TENT2: variants seen among roughly 807,000 people sequenced by gnomAD.
TENT2 encodes the protein terminal nucleotidyltransferase 2.
TENT2 carries 44 observed loss-of-function variants against 72.2 expected under a neutral mutation model. That is an observed-to-expected ratio of 0.61 (90% CI 0.48 to 0.78). The LOEUF (loss-of-function observed/expected upper bound fraction) is 0.78. Among genes scored for constraint, TENT2 ranks in the 30% least tolerant of loss-of-function variants. TENT2 has a pLI of 0.00. For missense variants in TENT2, 541 were observed against 569.6 expected, an observed-to-expected ratio of 0.95 and a Z score of 0.51; for synonymous variants, 212 against 192.5, an observed-to-expected ratio of 1.10 and a Z score of -0.84.
At chr5:79,654,546 C>T (rs973988293) in intron 10 of TENT2, among the ~76,000 whole-genome samples, 3 of 151,972 alleles carry the variant, frequency 2.0e-5, no homozygotes, top group African/African-American at 7.3e-5. Context: ...TTCTGGTAGA[C>T]ATTTTAAAAT....
chr5:79,680,704 CTT>C (rs1169409673), intron 13 of TENT2, among the ~76,000 whole-genome samples: 4 of 152,170 alleles, frequency 2.6e-5, no homozygotes. Flanking sequence ...TGCCTCCAGT[CTT>C]TCGCTTTCAG....
At chr5:79,630,872 T>G (rs1227762363) in intron 4 of TENT2, among the ~76,000 whole-genome samples, 3 of 151,372 alleles carry the variant, frequency 2.0e-5, no homozygotes, top group African/African-American at 7.3e-5. Context: ...TTATTTTCAC[T>G]GCACTATGGA....
intron 10 of TENT2, among the ~76,000 whole-genome samples, chr5:79,653,644 A>G (rs1297337146): frequency 1.3e-5 from 2 of 152,154 alleles, no homozygotes; most frequent in Non-Finnish European, 2.9e-5. Flanking sequence ...AGCCATTCCT[A>G]GGTCTTTCTT....
At chr5:79,666,847 CA>C (rs1349902153) in intron 11 of TENT2, among the ~76,000 whole-genome samples, 2 of 152,226 alleles carry the variant, frequency 1.3e-5, no homozygotes, top group East Asian at 3.9e-4. Flanking sequence ...GCTGGGATTA[CA>C]AGCTTGAGCC....
chr5:79,647,735 C>T (rs1389787758), intron 8 of TENT2, among the ~76,000 whole-genome samples: 2 of 152,144 alleles, frequency 1.3e-5, no homozygotes, highest in Non-Finnish European at 2.9e-5. Context: ...GTTGGGATCT[C>T]GCATAGGTAT....
rs79014958 is a variant in TENT2, at chr5:79,645,055, A to G, written c.752-68A>G. On this transcript the variant is annotated intron_variant, in intron 7 of 14. Transcript: ENST00000453514. ...GCTTAGTAAATACTATTTTTTAAAA[A>G]ATGTGCGTTGGAACACTGTGAATTC... 10 of 1,271,634 alleles carry G rather than the reference A, an allele frequency of 7.9e-6. No homozygotes were observed. The East Asian group carries it at 2.4e-4, about 30-fold the overall frequency. The allele number at this position is 1,271,634 out of a possible 1,614,324, so 78.8% of individuals were successfully genotyped here.
At chr5:79,675,592 C>T (rs186695341) in intron 12 of TENT2, among the ~76,000 whole-genome samples, 1 of 152,310 alleles carries the variant, frequency 6.6e-6, no homozygotes, top group East Asian at 1.9e-4. Flanking sequence ...TGCATCTCTC[C>T]ACCCATGTTC....
At chr5:79,666,065 T>C (rs1807514114) in intron 11 of TENT2, among the ~76,000 whole-genome samples, 2 of 151,366 alleles carry the variant, frequency 1.3e-5, no homozygotes, top group Non-Finnish European at 2.9e-5. Context: ...TTCGGCTTAC[T>C]GCAACCTCCA....
chr5:79,632,259 A>G (rs1776164655), intron 4 of TENT2, among the ~76,000 whole-genome samples: 1 of 152,184 alleles, frequency 6.6e-6, no homozygotes, highest in African/African-American at 2.4e-5. Flanking sequence ...TTTTTTAACT[A>G]CTTTGAGGAT....
intron 4 of TENT2, among the ~76,000 whole-genome samples, chr5:79,628,847 C>CT (rs1772667062): frequency 6.6e-6 from 1 of 152,206 alleles, no homozygotes; most frequent in Non-Finnish European, 1.5e-5. Context: ...AACGAGAACA[C>CT]TATCAAAAAT....
chr5:79,629,987 T>C (rs1773905604), intron 4 of TENT2, among the ~76,000 whole-genome samples: 1 of 151,318 alleles, frequency 6.6e-6, no homozygotes, highest in South Asian at 2.1e-4. Context: ...TACAAAAAAA[T>C]TAGCTGGGCG....
chr5:79,667,500 C>A (rs12657392), intron 11 of TENT2, among the ~76,000 whole-genome samples: 9,678 of 152,048 alleles, frequency 0.064, 417 homozygotes, highest in South Asian at 0.13. Context: ...TCTTTCCTAC[C>A]CCCTCCACTT....
chr5:79,657,920 CTTA>C (rs926672408), intron 11 of TENT2, among the ~76,000 whole-genome samples: 1 of 152,126 alleles, frequency 6.6e-6, no homozygotes, highest in African/African-American at 2.4e-5. Context: ...TTTCAAAAAA[CTTA>C]TTTATTGTGT....
chr5:79,672,858 CTT>C (rs1052235723), intron 12 of TENT2, among the ~76,000 whole-genome samples: 1 of 152,096 alleles, frequency 6.6e-6, no homozygotes, highest in African/African-American at 2.4e-5. Context: ...GGTAGTTCTA[CTT>C]TTAGTTTTGG....
chr5:79,629,487 C>A (rs184491294), intron 4 of TENT2, among the ~76,000 whole-genome samples: 6 of 152,166 alleles, frequency 3.9e-5, no homozygotes, highest in Non-Finnish European at 8.8e-5. Flanking sequence ...CATACATGGT[C>A]TCTACCATTT....
At chr5:79,634,154 CAA>C (rs542035431) in intron 4 of TENT2, among the ~76,000 whole-genome samples, 11 of 59,134 alleles carry the variant, frequency 1.9e-4, no homozygotes, top group East Asian at 5.1e-4. Context: ...GACTCCGTCT[CAA>C]AAAAAAAAAA....
chr5:79,635,045 G>A (rs933412757), intron 4 of TENT2, among the ~76,000 whole-genome samples: 8 of 152,142 alleles, frequency 5.3e-5, no homozygotes, highest in Non-Finnish European at 8.8e-5. Flanking sequence ...GAATATTTTT[G>A]GAGTGCCATT....
At chr5:79,615,455 A>T (rs1758923968) in intron 1 of TENT2, among the ~76,000 whole-genome samples, 2 of 152,250 alleles carry the variant, frequency 1.3e-5, no homozygotes, top group Non-Finnish European at 2.9e-5. Context: ...AGTTTTTCTG[A>T]ATACATATTT....
intron 1 of TENT2, 22 bp from the exon 2 acceptor site, chr5:79,619,589 AT>A: frequency 6.7e-7 from 1 of 1,492,212 alleles, no homozygotes; most frequent in Non-Finnish European, 9.1e-7. Context: ...ATAATTTAAT[AT>A]TGTCTTTTTA....
Sources: allele counts gnomAD v4.1 joint callset (sites outside exome capture counted in the v4.1 genomes callset), GRCh38; gene constraint gnomAD v4.1.1; transcripts MANE v1.5; gene names NCBI Gene and HGNC (gene_info 2026-07-23, HGNC 2026-07-21).